The following SCMH1 variants were observed in gnomAD, a reference collection of about 807,000 sequenced individuals.
SCMH1 encodes polycomb protein SCMH1.
A neutral mutation model predicts 70.8 loss-of-function variants in SCMH1; 37 were observed. That is an observed-to-expected ratio of 0.52 (90% CI 0.40 to 0.69). The LOEUF is 0.69. Among genes scored for constraint, SCMH1 ranks in the 30% least tolerant of loss-of-function variants. The pLI is 0.00. For missense variants in SCMH1, 607 were observed against 827.3 expected (o/e 0.73, Z 3.27); for synonymous variants, 292 against 307.4 (o/e 0.95, Z 0.52).
intron 10 of SCMH1, among the ~76,000 whole-genome samples, chr1:41,066,731 C>T (rs1654726195): frequency 6.6e-6 from 1 of 151,988 alleles, no homozygotes; most frequent in African/African-American, 2.4e-5. Context: ...CACAGGTGCA[C>T]ATCAGCGTGC....
chr1:41,071,450 T>C (rs1656464385), intron 9 of SCMH1, among the ~76,000 whole-genome samples: 3 of 152,214 alleles, frequency 2.0e-5, no homozygotes, highest in Non-Finnish European at 2.9e-5. Flanking sequence ...CCTATTCACC[T>C]GGAAATCTTT....
intron 8 of SCMH1, among the ~76,000 whole-genome samples, chr1:41,081,828 A>G (rs1179332234): frequency 6.6e-6 from 1 of 151,638 alleles, no homozygotes; most frequent in Non-Finnish European, 1.5e-5. Flanking sequence ...TTAAAAAAAA[A>G]AAGACATATA....
intron 1 of SCMH1, among the ~76,000 whole-genome samples, chr1:41,191,910 A>AT (rs1229423908): frequency 2.6e-5 from 4 of 152,114 alleles, no homozygotes; most frequent in South Asian, 4.1e-4. Context: ...AGGTGTGTAT[A>AT]TTTTTGTGGG....
intron 2 of SCMH1, among the ~76,000 whole-genome samples, chr1:41,181,158 A>T (rs1648640222): frequency 6.6e-6 from 1 of 152,200 alleles, no homozygotes; most frequent in African/African-American, 2.4e-5. Flanking sequence ...TAGAAAGCTG[A>T]AACTGGATCC....
intron 10 of SCMH1, among the ~76,000 whole-genome samples, chr1:41,068,022 C>A (rs1191923393): frequency 1.3e-5 from 2 of 152,126 alleles, no homozygotes; most frequent in Non-Finnish European, 2.9e-5. Context: ...TCTTGATAAA[C>A]AAGATGCAAA....
At chr1:41,234,193 G>C (rs1387122445) in intron 1 of SCMH1, among the ~76,000 whole-genome samples, 1 of 152,136 alleles carries the variant, frequency 6.6e-6, no homozygotes. Context: ...TCAGCACTTT[G>C]GAAGGCCGAG....
At chr1:41,062,557 T>C (rs1653046850) in intron 10 of SCMH1, among the ~76,000 whole-genome samples, 1 of 151,584 alleles carries the variant, frequency 6.6e-6, no homozygotes. Flanking sequence ...CTGGCCAACA[T>C]GGTGAAACCC....
intron 8 of SCMH1, among the ~76,000 whole-genome samples, chr1:41,109,474 C>T (rs542420932): frequency 2.6e-5 from 4 of 152,320 alleles, no homozygotes; most frequent in South Asian, 4.1e-4. Flanking sequence ...ATTTTTTCCA[C>T]ATTGCATCAC....
intron 1 of SCMH1, among the ~76,000 whole-genome samples, chr1:41,186,948 A>G (rs1010119004): frequency 6.6e-6 from 1 of 152,188 alleles, no homozygotes; most frequent in Non-Finnish European, 1.5e-5. Flanking sequence ...ATGGCACCCC[A>G]AGCACATGAT....
intron 6 of SCMH1, among the ~76,000 whole-genome samples, chr1:41,132,219 G>A (rs1037447017): frequency 4.6e-5 from 7 of 152,144 alleles, no homozygotes; most frequent in African/African-American, 1.4e-4. Flanking sequence ...ATTGTTTCCA[G>A]ACTTTTTAAT....
At chr1:41,087,157 G>A (rs1558758248) in intron 8 of SCMH1, among the ~76,000 whole-genome samples, 1 of 152,012 alleles carries the variant, frequency 6.6e-6, no homozygotes, top group Non-Finnish European at 1.5e-5. Flanking sequence ...AATGATAGTG[G>A]AACAATGGAT....
intron 5 of SCMH1, among the ~76,000 whole-genome samples, chr1:41,144,608 G>A (rs1050821248): frequency 3.3e-5 from 5 of 151,988 alleles, no homozygotes; most frequent in African/African-American, 4.8e-5. Context: ...ATTCTCTTAC[G>A]TATATACTTA....
intron 6 of SCMH1, among the ~76,000 whole-genome samples, chr1:41,122,833 A>G (rs1460537391): frequency 6.6e-6 from 1 of 152,196 alleles, no homozygotes; most frequent in African/African-American, 2.4e-5. Flanking sequence ...AACCACTTCT[A>G]AAGTGCTTCT....
intron 8 of SCMH1, among the ~76,000 whole-genome samples, chr1:41,082,933 G>A (rs1571913176): frequency 6.6e-6 from 1 of 152,200 alleles, no homozygotes; most frequent in East Asian, 1.9e-4. Context: ...AACTCTTCAT[G>A]CTAAAAACTC....
chr1:41,073,574 C>T (rs1558643160), intron 9 of SCMH1, among the ~76,000 whole-genome samples: 1 of 151,908 alleles, frequency 6.6e-6, no homozygotes, highest in African/African-American at 2.4e-5. Flanking sequence ...GAATTCGAAG[C>T]CAAAAATAAG....
chr1:41,066,389 C>A (rs1196202320), intron 10 of SCMH1, among the ~76,000 whole-genome samples: 1 of 152,198 alleles, frequency 6.6e-6, no homozygotes, highest in Non-Finnish European at 1.5e-5. Flanking sequence ...CCTAGCCAAT[C>A]TCAGCCAGGT....
chr1:41,038,681 C>T (rs1248234767), intron 12 of SCMH1, among the ~76,000 whole-genome samples: 1 of 151,990 alleles, frequency 6.6e-6, no homozygotes, highest in Non-Finnish European at 1.5e-5. Context: ...TTGTTGAAAC[C>T]CTTTCCTAGA....
intron 1 of SCMH1, among the ~76,000 whole-genome samples, chr1:41,241,439 A>G (rs12125555): frequency 0.36 from 53,985 of 151,652 alleles, 10,963 homozygotes; most frequent in Admixed American, 0.5. Flanking sequence ...TGAGTCGGCC[A>G]GCCGGGGCCC....
intron 8 of SCMH1, among the ~76,000 whole-genome samples, chr1:41,106,874 G>T (rs1668066377): frequency 6.6e-6 from 1 of 151,816 alleles, no homozygotes; most frequent in Non-Finnish European, 1.5e-5. Context: ...ATTTTTAGTA[G>T]AGACGGGGTT....
Sources: gnomAD v4.1 joint callset for allele counts (sites outside exome capture counted in the v4.1 genomes callset) on GRCh38, gnomAD v4.1.1 for gene constraint, MANE v1.5 for transcripts, NCBI Gene and HGNC (gene_info 2026-07-23, HGNC 2026-07-21) for gene names.